Variants in ARID1B observed in about 807,000 individuals in gnomAD.
The protein encoded by ARID1B is AT-rich interactive domain-containing protein 1B.
ARID1B carries 30 observed loss-of-function variants against 212.3 expected under a neutral mutation model. The observed-to-expected ratio is 0.14, with a 90% confidence interval of 0.11 to 0.19. ARID1B has a LOEUF of 0.19. Among genes scored for constraint, ARID1B ranks in the 10% least tolerant of loss-of-function variants. The pLI, the probability that ARID1B is intolerant of heterozygous loss-of-function variation, is 1.00. For synonymous variants in ARID1B, 1,402 were observed against 1,301.7 expected, an observed-to-expected ratio of 1.08 and a Z score of -1.66; for missense variants, 2,891 against 3,204.0, an observed-to-expected ratio of 0.90 and a Z score of 2.36.
intron 4 of ARID1B, among the ~76,000 whole-genome samples, chr6:157,028,634 T>C (rs959578173): frequency 6.6e-6 from 1 of 152,226 alleles, no homozygotes; most frequent in Non-Finnish European, 1.5e-5. Flanking sequence ...TGAACTTTGA[T>C]ACATGTGATT....
rs1001181163 is a variant in ARID1B at position 157,201,643 on chromosome 6, G to A, written c.5263+155G>A. Among the ~76,000 whole-genome samples the A allele has an allele frequency of 6.6e-6, 1 of 152,180 alleles. No individual in the cohort carries two copies. The highest frequency in any genetic ancestry group is 1.5e-5 in the Non-Finnish European group (1 of 68,042). On this transcript the variant is annotated intron_variant, in intron 18 of 19. Coordinates refer to ENST00000636930, the MANE Select transcript of ARID1B (RefSeq NM_001374828.1). The surrounding 1 kb of genome is among the most constrained non-coding windows in gnomAD (Gnocchi z 5.2). ...GTTTTTATATAGGAGTAATATAGTT[G>A]GAGGCTGCTAATCTGAATTAAGAAA...
intron 1 of ARID1B, among the ~76,000 whole-genome samples, chr6:156,823,563 G>T (rs551545337): frequency 6.6e-6 from 1 of 152,182 alleles, no homozygotes; most frequent in Non-Finnish European, 1.5e-5. Context: ...GTAAGAGAAT[G>T]TTGTTTCCCG....
At chr6:156,812,080 T>C (rs1781590494) in intron 1 of ARID1B, among the ~76,000 whole-genome samples, 2 of 152,230 alleles carry the variant, frequency 1.3e-5, no homozygotes, top group Admixed American at 6.5e-5. Flanking sequence ...CAGGAGGTGC[T>C]CATTAAATGT....
intron 2 of ARID1B, among the ~76,000 whole-genome samples, chr6:156,885,504 C>G (rs1393394728): frequency 6.6e-6 from 1 of 152,154 alleles, no homozygotes. Flanking sequence ...TTTCCCCTGC[C>G]TGCCCTTGGG....
At chr6:157,103,067 G>C (rs1035459087) in intron 5 of ARID1B, among the ~76,000 whole-genome samples, 5 of 152,164 alleles carry the variant, frequency 3.3e-5, no homozygotes, top group African/African-American at 1.2e-4. Flanking sequence ...GCTGAGGTGA[G>C]TAGTTGGAAC....
intron 4 of ARID1B, among the ~76,000 whole-genome samples, chr6:156,983,081 T>C (rs1295856373): frequency 2.3e-5 from 3 of 129,438 alleles, no homozygotes; most frequent in African/African-American, 3.0e-5. Context: ...GGCAACAGAG[T>C]GAGACCCTGT....
At chr6:156,869,000 C>CA (rs1785917859) in intron 2 of ARID1B, among the ~76,000 whole-genome samples, 1 of 151,918 alleles carries the variant, frequency 6.6e-6, no homozygotes, top group South Asian at 2.1e-4. Context: ...AAGGAAGAGG[C>CA]ATTTGATGAT....
intron 6 of ARID1B, among the ~76,000 whole-genome samples, chr6:157,123,117 A>G (rs1397101726): frequency 6.6e-6 from 1 of 152,118 alleles, no homozygotes; most frequent in Non-Finnish European, 1.5e-5. Context: ...GGTAACCAGA[A>G]GTCAGGGCCC....
chr6:157,206,193 C>G lies in ARID1B; in HGVS notation c.5421C>G (p.Val1807=), dbSNP rs753507388. The change falls in exon 20 of 20, where the codon GTC becomes GTG. Residue 1807 remains valine, a synonymous_variant. Coordinates refer to ENST00000636930, the MANE Select transcript of ARID1B (RefSeq NM_001374828.1). The surrounding 1 kb of genome is among the most constrained non-coding windows in gnomAD (Gnocchi z 6.8). ...SQLSGFLELL[V]EYFRKCLIDI... ...TGTCTGGATTTCTCGAACTTTTAGT[C>G]GAGTACTTTAGAAAATGCCTGATTG... is the stretch of plus-strand genomic sequence containing the variant. 6.2e-7 allele frequency: 1 copy of G among 1,614,052 alleles called. No individual in the cohort carries two copies. The highest frequency in any genetic ancestry group is 8.5e-7 in the Non-Finnish European group (1 of 1,180,016).
intron 1 of ARID1B, among the ~76,000 whole-genome samples, chr6:156,785,792 G>C (rs1779591183): frequency 1.3e-5 from 2 of 152,198 alleles, no homozygotes; most frequent in South Asian, 4.1e-4. Flanking sequence ...TAGTTTGTGA[G>C]TAAATTCTTC....
intron 4 of ARID1B, among the ~76,000 whole-genome samples, chr6:156,980,126 T>G (rs1008709400): frequency 4.6e-5 from 7 of 152,198 alleles, no homozygotes; most frequent in African/African-American, 1.7e-4. Context: ...TTCATTAAAA[T>G]TTTTTGTAAT....
At chr6:157,028,268 C>T (rs1780789829) in intron 4 of ARID1B, among the ~76,000 whole-genome samples, 1 of 152,154 alleles carries the variant, frequency 6.6e-6, no homozygotes, top group Non-Finnish European at 1.5e-5. Context: ...CCTGGACACC[C>T]ATCATTTTTA....
chr6:156,985,068 T>C (rs1777844264), intron 4 of ARID1B: 2 of 152,198 alleles, frequency 1.3e-5, no homozygotes, highest in Admixed American at 1.3e-4. Flanking sequence ...AATATTGCTT[T>C]ATATATTTTT....
At chr6:156,897,307 C>G (rs1156566206) in intron 2 of ARID1B, among the ~76,000 whole-genome samples, 1 of 107,452 alleles carries the variant, frequency 9.3e-6, no homozygotes, top group African/African-American at 3.2e-5. Context: ...AGAGTCTTGC[C>G]CTGTCGCCCA....
At chr6:157,138,148 C>T (rs1789065634) in intron 7 of ARID1B, among the ~76,000 whole-genome samples, 1 of 152,138 alleles carries the variant, frequency 6.6e-6, no homozygotes, top group African/African-American at 2.4e-5. Context: ...GCCCTGCAGT[C>T]ACTGAGACCC....
intron 5 of ARID1B, among the ~76,000 whole-genome samples, chr6:157,097,194 T>C (rs1313852680): frequency 6.6e-6 from 1 of 152,224 alleles, no homozygotes; most frequent in East Asian, 1.9e-4. Context: ...TTAAACTCTG[T>C]AAGAAAAAGC....
rs566292821 is a variant in ARID1B at position 156,901,284 on chromosome 6, A to T, written c.1987-92A>T. On this transcript the variant is annotated intron_variant, in intron 2 of 19. Coordinates refer to ENST00000636930, the MANE Select transcript of ARID1B (RefSeq NM_001374828.1). Reference sequence around the variant, plus strand: ...ATTGAGTTTAGTTGCTTAGCAGAGAACCCCCTTCATGTTGCTGAATTGAAA... The same window carrying T: ...ATTGAGTTTAGTTGCTTAGCAGAGATCCCCCTTCATGTTGCTGAATTGAAA... The T allele has an allele frequency of 7.0e-6, 10 of 1,429,844 alleles. No individual in the cohort carries two copies. The East Asian group carries it at 2.1e-4, about 30-fold the overall frequency. 88.6% of individuals were successfully genotyped at this position (1,429,844 alleles called of 1,614,324 possible). A position where few individuals can be genotyped will look rare whatever the true frequency, so the allele number is the denominator to read the frequency against.
intron 2 of ARID1B, among the ~76,000 whole-genome samples, chr6:156,848,920 C>G (rs777121144): frequency 6.6e-6 from 1 of 152,216 alleles, no homozygotes; most frequent in Non-Finnish European, 1.5e-5. Flanking sequence ...ATATTTGTTA[C>G]AATAACCAAG....
At chr6:157,184,479 G>T (rs760067259) in intron 13 of ARID1B, 44 bp downstream of exon 13, 24 of 1,607,546 alleles carry the variant, frequency 1.5e-5, no homozygotes, top group Non-Finnish European at 2.0e-5. Context: ...AAGCCCAGGC[G>T]CCTGGCCTGG....
Sources: allele counts gnomAD v4.1 joint callset (sites outside exome capture counted in the v4.1 genomes callset), GRCh38; gene constraint gnomAD v4.1.1; non-coding constraint Gnocchi (gnomAD v3.1); transcripts MANE v1.5; gene names NCBI Gene and HGNC (gene_info 2026-07-23, HGNC 2026-07-21).